CA10: variants seen among roughly 807,000 people sequenced by gnomAD.
CA10 encodes the protein carbonic anhydrase 10 (inactive).
In CA10, 14 loss-of-function variants were observed where a neutral mutation model predicts 44.2. The observed-to-expected ratio is 0.32, with a 90% CI of 0.21 to 0.50. The LOEUF (loss-of-function observed/expected upper bound fraction) is 0.50. Ranked by LOEUF, CA10 falls within the 20% of genes least tolerant of loss-of-function variation. CA10 has a pLI of 0.99. For synonymous variants in CA10, 159 were observed against 141.6 expected, an observed-to-expected ratio of 1.12 and a Z score of -0.87; for missense variants, 350 against 409.7, an observed-to-expected ratio of 0.85 and a Z score of 1.26.
At chr17:51,959,946 C>A (rs894798509) in intron 2 of CA10, among the ~76,000 whole-genome samples, 1 of 151,702 alleles carries the variant, frequency 6.6e-6, no homozygotes, top group Non-Finnish European at 1.5e-5. Flanking sequence ...AGTCAATCAA[C>A]TGACATCAAT....
intron 2 of CA10, among the ~76,000 whole-genome samples, chr17:51,980,775 G>T (rs1392968802): frequency 6.6e-6 from 1 of 152,052 alleles, no homozygotes; most frequent in East Asian, 1.9e-4. Flanking sequence ...TGAATAGGGA[G>T]TCCTTTCCCC....
chr17:51,711,220 C>T (rs1915934348), intron 4 of CA10, among the ~76,000 whole-genome samples: 1 of 152,192 alleles, frequency 6.6e-6, no homozygotes, highest in African/African-American at 2.4e-5. Context: ...ATGCAACTCA[C>T]ACTTAGGTTC....
intron 3 of CA10, among the ~76,000 whole-genome samples, chr17:51,898,250 G>C (rs78596504): frequency 1.3e-5 from 2 of 151,480 alleles, no homozygotes; most frequent in Non-Finnish European, 3.0e-5. Flanking sequence ...CACAGTGTCT[G>C]GTTTGTTGTT....
At chr17:51,707,669 A>ATGTGTGTGTG (rs1491192056) in intron 4 of CA10, among the ~76,000 whole-genome samples, 406 of 39,804 alleles carry the variant, frequency 0.01, 3 homozygotes, top group African/African-American at 0.026. Context: ...AAGTGGATGA[A>ATGTGTGTGTG]TATGTGTGTG....
intron 4 of CA10, among the ~76,000 whole-genome samples, chr17:51,667,972 C>T (rs1445901425): frequency 1.3e-5 from 2 of 152,218 alleles, no homozygotes; most frequent in Non-Finnish European, 2.9e-5. Flanking sequence ...TTGGAAACCA[C>T]CGGTCCCAAT....
chr17:52,133,012 A>C (rs78271962), intron 1 of CA10, among the ~76,000 whole-genome samples: 2 of 152,280 alleles, frequency 1.3e-5, no homozygotes, highest in African/African-American at 4.8e-5. Flanking sequence ...CTGAGTATGC[A>C]GATAAGGATT....
chr17:51,837,718 A>G (rs745943385), intron 3 of CA10, among the ~76,000 whole-genome samples: 1 of 152,208 alleles, frequency 6.6e-6, no homozygotes, highest in Non-Finnish European at 1.5e-5. Flanking sequence ...AAGTATACCT[A>G]TATGAGGGAT....
rs757868733 is a variant in CA10, at chr17:51,748,123, T to C, written c.280-305A>G. Among the ~76,000 whole-genome samples the C allele has an allele frequency of 1.4e-4, 21 of 152,236 alleles. 1 individual carries two copies. Among genetic ancestry groups the C allele is most frequent in the Non-Finnish European group, 1.5e-5 (1 of 68,040 alleles). On this transcript the variant is annotated intron_variant, in intron 3 of 8. Coordinates refer to ENST00000451037, the MANE Select transcript of CA10 (RefSeq NM_020178.5). ...TAAAAAATGAATTTGTCCTTCTTAC[T>C]ATAAGGATTTGGAATGGAAAGATAC...
chr17:52,143,751 A>C (rs931810451), intron 1 of CA10, among the ~76,000 whole-genome samples: 1 of 152,172 alleles, frequency 6.6e-6, no homozygotes, highest in Non-Finnish European at 1.5e-5. Flanking sequence ...TAGTCACAGC[A>C]GGCCATTAAT....
At chr17:52,028,133 C>T (rs1193321466) in intron 2 of CA10, among the ~76,000 whole-genome samples, 2 of 152,130 alleles carry the variant, frequency 1.3e-5, no homozygotes, top group Non-Finnish European at 2.9e-5. Context: ...ACCAAATGAG[C>T]TCCTCTTAAT....
intron 2 of CA10, among the ~76,000 whole-genome samples, chr17:51,963,309 G>A (rs568905628): frequency 6.6e-6 from 1 of 152,286 alleles, no homozygotes; most frequent in African/African-American, 2.4e-5. Flanking sequence ...TCCTGAGAGA[G>A]AAGGAGAAAA....
intron 3 of CA10, among the ~76,000 whole-genome samples, chr17:51,825,907 CATGCCCAT>C (rs1452843631): frequency 6.6e-6 from 1 of 152,246 alleles, no homozygotes; most frequent in Non-Finnish European, 1.5e-5. Context: ...TCAATCTTAG[CATGCCCAT>C]ATGCCCATAG....
At chr17:51,732,786 CA>C (rs1452005046) in intron 4 of CA10, among the ~76,000 whole-genome samples, 3 of 152,034 alleles carry the variant, frequency 2.0e-5, no homozygotes, top group Non-Finnish European at 4.4e-5. Context: ...GGTCTTGCGC[CA>C]AAGGAACATA....
chr17:52,118,661 A>G (rs1395966869), intron 1 of CA10, among the ~76,000 whole-genome samples: 1 of 152,130 alleles, frequency 6.6e-6, no homozygotes, highest in East Asian at 1.9e-4. Flanking sequence ...GAATAATATT[A>G]ATATATATTC....
chr17:52,115,703 A>G (rs1019241965), intron 1 of CA10, among the ~76,000 whole-genome samples: 2 of 152,188 alleles, frequency 1.3e-5, no homozygotes, highest in African/African-American at 2.4e-5. Context: ...ACATGGCCCA[A>G]GGGCCCTGCG....
At chr17:51,840,378 C>T (rs1234675607) in intron 3 of CA10, among the ~76,000 whole-genome samples, 2 of 151,984 alleles carry the variant, frequency 1.3e-5, no homozygotes, top group Non-Finnish European at 2.9e-5. Context: ...GACAAAAAGG[C>T]AGAATGCAGT....
chr17:52,060,321 G>C (rs1021171553), intron 2 of CA10, among the ~76,000 whole-genome samples: 2 of 152,086 alleles, frequency 1.3e-5, no homozygotes, highest in African/African-American at 4.8e-5. Context: ...AGACGAAAGA[G>C]ACATGAAGGC....
rs544394546 is a variant in CA10, at chr17:51,971,244, G to A, written c.137-40112C>T. Among the ~76,000 whole-genome samples the A allele has an allele frequency of 1.1e-4, 16 of 152,072 alleles. No homozygotes were observed. In the South Asian group the frequency reaches 1.7e-3, roughly 16 times the overall value. ...CATGCTCATTTTTACAGGCACCTCCGAGCTTACAGTTTCTTATCTGTAAAG... is the reference window on the plus strand; with the variant it reads ...CATGCTCATTTTTACAGGCACCTCCAAGCTTACAGTTTCTTATCTGTAAAG... On this transcript the variant is annotated intron_variant, in intron 2 of 8. Transcript: ENST00000451037.
At chr17:51,853,788 T>C (rs1978911321) in intron 3 of CA10, among the ~76,000 whole-genome samples, 1 of 152,150 alleles carries the variant, frequency 6.6e-6, no homozygotes, top group African/African-American at 2.4e-5. Flanking sequence ...CTGATGGTTT[T>C]ATAAGTGTTT....
Sources: allele counts gnomAD v4.1 joint callset (sites outside exome capture counted in the v4.1 genomes callset), GRCh38; gene constraint gnomAD v4.1.1; transcripts MANE v1.5; gene names NCBI Gene and HGNC (gene_info 2026-07-23, HGNC 2026-07-21).